Variants in CCZ1 observed in about 807,000 individuals in gnomAD.
CCZ1 encodes the protein CCZ1 vacuolar protein trafficking and biogenesis associated.
Under a neutral mutation model 57.8 loss-of-function variants are expected in CCZ1, and 19 were observed. That is an observed-to-expected ratio of 0.33 (90% CI 0.23 to 0.48). CCZ1 has a LOEUF of 0.48. CCZ1 is among the 20% of genes least tolerant of loss of function. The pLI is 0.99. For missense variants in CCZ1, 200 were observed against 492.0 expected, an observed-to-expected ratio of 0.41 and a Z score of 5.61; for synonymous variants, 81 against 167.0, an observed-to-expected ratio of 0.49 and a Z score of 3.97.
In CCZ1 at chr7:5,900,745, T is replaced by C. The variant is rs1022840346; in HGVS notation, c.313-110T>C. On this transcript the variant is annotated intron_variant, in intron 3 of 14. Coordinates refer to ENST00000325974, the MANE Select transcript of CCZ1 (RefSeq NM_015622.6). The stretch of plus-strand genomic sequence containing the variant: ...GCTTTATTCATTCTTGGGGCTGTTT[T>C]AAGAAGCTATGTTTCTGATGCTGTA... The C allele has an allele frequency of 4.1e-4, 636 of 1,568,286 alleles. 3 individuals are homozygous for C. The highest frequency in any genetic ancestry group is 1.3e-3 in the Admixed American group (61 of 47,050).
rs557462396 is a variant in CCZ1 at position 5,921,260 on chromosome 7, C to T, written c.1106+1294C>T. Among the ~76,000 whole-genome samples, 35 of 127,866 alleles carry T rather than the reference C, an allele frequency of 2.7e-4. 2 individuals are homozygous for T. The highest frequency in any genetic ancestry group is 4.7e-3 in the Middle Eastern group (1 of 214). The allele number at this position is 127,866 out of a possible 152,430, so 83.9% of individuals were successfully genotyped here. ...TTATTTCTGCATGGTCTTGTATAACCGTGGGCCTCTAAGAGCGCAGAAGCG... is the reference window on the plus strand; with the variant it reads ...TTATTTCTGCATGGTCTTGTATAACTGTGGGCCTCTAAGAGCGCAGAAGCG... On this transcript the variant is annotated intron_variant, in intron 12 of 14. Coordinates refer to ENST00000325974, the MANE Select transcript of CCZ1 (RefSeq NM_015622.6).
intron 6 of CCZ1, 88 bp downstream of exon 6, chr7:5,902,832 A>G (rs1427119373): frequency 6.8e-7 from 1 of 1,466,592 alleles, no homozygotes; most frequent in Non-Finnish European, 9.0e-7. Context: ...TTTCTTATAT[A>G]CAAAAAACCC....
intron 7 of CCZ1, among the ~76,000 whole-genome samples, chr7:5,906,323 CTTTTT>C (rs398066572): frequency 7.0e-5 from 9 of 128,034 alleles, no homozygotes; most frequent in East Asian, 2.8e-4. Context: ...TTCTTTCTTT[CTTTTT>C]TTTTTTTTTT....
rs1251829750 is a variant in CCZ1 at position 5,910,698 on chromosome 7, G to A, written c.780+582G>A. On this transcript the variant is annotated intron_variant, in intron 8 of 14. Transcript: ENST00000325974. ...GGATTTTACTTTACTTTTAATTTAT[G>A]TATTTTATTTTATTTATTTATTTAT... Among the ~76,000 whole-genome samples the A allele has an allele frequency of 3.3e-5, 4 of 120,068 alleles. 1 individual carries two copies. The highest frequency in any genetic ancestry group is 6.3e-5 in the African/African-American group (2 of 31,704). The allele number at this position is 120,068 out of a possible 152,430, so 78.8% of individuals were successfully genotyped here.
chr7:5,908,834 G>A (rs2711252), intron 7 of CCZ1, among the ~76,000 whole-genome samples: 67,406 of 132,458 alleles, frequency 0.51, 17,670 homozygotes, highest in East Asian at 0.8. Flanking sequence ...TTCAGATCAG[G>A]TGGTTTGCCT....
At position 5,901,663 on chromosome 7, in the gene CCZ1, G is replaced by A. The variant is rs1781688280; in HGVS notation, c.397G>A (p.Val133Ile). ...EYQEEELLDKVYSSVLRQCYS... is the reference protein window; with the variant it reads ...EYQEEELLDKIYSSVLRQCYS... ...TGTGTTTTCGCGTCTGCAGGACAAG[G>A]TTTATAGCTCGGTGCTGCGGCAGTG... Residue 133 changes from valine to isoleucine, a missense_variant, in exon 5 of 15, where the codon GTT becomes ATT. This residue lies in a region of CCZ1 where 44 missense variants were observed against 122.8 expected (regional missense o/e 0.36). Coordinates refer to ENST00000325974, the MANE Select transcript of CCZ1 (RefSeq NM_015622.6). 6.3e-7 allele frequency: 1 copy of A among 1,597,934 alleles called. No homozygotes were observed. Among genetic ancestry groups the A allele is most frequent in the Admixed American group, 1.7e-5 (1 of 59,284 alleles).
chr7:5,905,456 A>G lies in CCZ1; in HGVS notation c.698+187A>G, dbSNP rs145422844. 6.9e-5 allele frequency among the ~76,000 whole-genome samples: 10 copies of G among 144,776 alleles called. 1 individual carries two copies. Among genetic ancestry groups the G allele is most frequent in the East Asian group, 2.4e-4 (1 of 4,234 alleles). The allele number at this position is 144,776 out of a possible 152,430, so 95.0% of individuals were successfully genotyped here. A position where few individuals can be genotyped will look rare whatever the true frequency, so the allele number is the denominator to read the frequency against. ...GCAGAACTAGGGTGATTTGGGTTCAAATTTCCAAGCAGAGGAGTTTAAAAC... is the reference window on the plus strand; with the variant it reads ...GCAGAACTAGGGTGATTTGGGTTCAGATTTCCAAGCAGAGGAGTTTAAAAC... On this transcript the variant is annotated intron_variant, in intron 7 of 14. Coordinates refer to ENST00000325974, the MANE Select transcript of CCZ1 (RefSeq NM_015622.6).
At chr7:5,912,377 C>T (rs868348095) in intron 9 of CCZ1, among the ~76,000 whole-genome samples, 2,872 of 54,378 alleles carry the variant, frequency 0.053, 66 homozygotes, top group African/African-American at 0.15. Flanking sequence ...TCAGCATACC[C>T]TTTTTTTTTT....
intron 6 of CCZ1, 44 bp downstream of exon 6, chr7:5,902,788 C>CTTACTAA (rs1290220842): frequency 6.3e-7 from 1 of 1,575,162 alleles, no homozygotes; most frequent in Non-Finnish European, 8.5e-7. Flanking sequence ...AAGCATTCAG[C>CTTACTAA]AGGTTTTTAG....
At position 5,911,794 on chromosome 7, in the gene CCZ1, T is replaced by G. The variant is rs1304168704; in HGVS notation, c.781-67T>G. The G allele has an allele frequency of 1.1e-5, 12 of 1,101,050 alleles. No individual in the cohort carries two copies. The Admixed American group carries it at 3.0e-4, about 28-fold the overall frequency. The allele number at this position is 1,101,050 out of a possible 1,614,324, so 68.2% of individuals were successfully genotyped here. A position where few individuals can be genotyped will look rare whatever the true frequency, so the allele number is the denominator to read the frequency against. On this transcript the variant is annotated intron_variant, in intron 8 of 14. Coordinates refer to ENST00000325974, the MANE Select transcript of CCZ1 (RefSeq NM_015622.6). The stretch of plus-strand genomic sequence containing the variant: ...TGGAACCAATTAGTAGATAATGCTG[T>G]TTTTCAAAGCTTGGAAAATAAATAA...
chr7:5,900,712 T>C, intron 3 of CCZ1, 143 bp from the exon 4 acceptor site: 1 of 1,478,430 alleles, frequency 6.8e-7, no homozygotes, highest in South Asian at 1.3e-5. Context: ...ATCAAGTTCT[T>C]CCTATTTGCT....
At position 5,905,902 on chromosome 7, in the gene CCZ1, CTT is replaced by C. The variant is rs148585423; in HGVS notation, c.698+647_698+648del. Among the ~76,000 whole-genome samples, 245 of 93,018 alleles carry C rather than the reference CTT, an allele frequency of 2.6e-3. 5 individuals carry two copies. Among genetic ancestry groups the C allele is most frequent in the Middle Eastern group, 0.021 (3 of 146 alleles). The allele number at this position is 93,018 out of a possible 152,430, so 61.0% of individuals were successfully genotyped here. ...AATGATAAAAGCAGAATTTTTATACCTTTTTTTTTTTTTTTCTTTCTTATAGA... is the reference window on the plus strand; with the variant it reads ...AATGATAAAAGCAGAATTTTTATACCTTTTTTTTTTTTTCTTTCTTATAGA... On this transcript the variant is annotated intron_variant, in intron 7 of 14. Transcript: ENST00000325974.
rs4036238 is a variant in CCZ1 at position 5,912,377 on chromosome 7, C to CTTTTTT, written c.843-438_843-433dup. 5.5e-4 allele frequency among the ~76,000 whole-genome samples: 30 copies of CTTTTTT among 54,700 alleles called. 1 individual carries two copies. The highest frequency in any genetic ancestry group is 6.1e-4 in the Non-Finnish European group (19 of 31,052). 35.9% of individuals were successfully genotyped at this position (54,700 alleles called of 152,430 possible). Reference sequence around the variant, plus strand: ...GAGTTAAAACTTACTTCAGCATACCCTTTTTTTTTTTTTTTTTTTTTTTTT... The same window carrying CTTTTTT: ...GAGTTAAAACTTACTTCAGCATACCCTTTTTTTTTTTTTTTTTTTTTTTTTTTTTTT... On this transcript the variant is annotated intron_variant, in intron 9 of 14. Transcript: ENST00000325974.
chr7:5,901,889 T>G, intron 5 of CCZ1, 185 bp downstream of exon 5: 2 of 540,732 alleles, frequency 3.7e-6, no homozygotes, highest in Non-Finnish European at 6.4e-6. Context: ...CAGTAAGTAT[T>G]GAACTCCCTT....
intron 7 of CCZ1, among the ~76,000 whole-genome samples, chr7:5,906,869 CT>C (rs369672255): frequency 8.1e-5 from 12 of 147,650 alleles, no homozygotes; most frequent in South Asian, 6.5e-4. Flanking sequence ...AACCCATCTA[CT>C]TTTTTTTTTG....
intron 10 of CCZ1, among the ~76,000 whole-genome samples, chr7:5,915,559 G>A (rs546223326): frequency 4.0e-5 from 6 of 151,216 alleles, no homozygotes; most frequent in African/African-American, 7.2e-5. Flanking sequence ...TACAATGCAC[G>A]TACCATACAA....
chr7:5,925,455 A>T, intron 14 of CCZ1, 177 bp from the exon 15 acceptor site: 1 of 594,004 alleles, frequency 1.7e-6, no homozygotes, highest in Non-Finnish European at 2.9e-6. Flanking sequence ...TGACAGAGCA[A>T]GACTCTGTCT....
chr7:5,913,881 A>C (rs1335736860), intron 10 of CCZ1, among the ~76,000 whole-genome samples: 30 of 137,502 alleles, frequency 2.2e-4, no homozygotes, highest in African/African-American at 7.4e-4. Flanking sequence ...AAGAAAGGAA[A>C]CAGTCTGAAG....
In CCZ1 at chr7:5,926,183, GGGTCTCACTATGTTGCCCAGGCT is replaced by G; in HGVS notation, c.*503_*525del. 2 of 479,762 alleles carry G rather than the reference GGGTCTCACTATGTTGCCCAGGCT, an allele frequency of 4.2e-6. No individual in the cohort carries two copies. The highest frequency in any genetic ancestry group is 7.7e-6 in the Non-Finnish European group (2 of 260,500). 29.7% of individuals were successfully genotyped at this position (479,762 alleles called of 1,614,324 possible). ...ATGTTTTAATTTTGCAGAGATGGGG[GGGTCTCACTATGTTGCCCAGGCT>G]GGTCTCGAACTCCCGTAATCCAGCC... On this transcript the variant is annotated 3_prime_UTR_variant, in exon 15 of 15. Transcript: ENST00000325974.
Sources: allele counts gnomAD v4.1 joint callset (sites outside exome capture counted in the v4.1 genomes callset), GRCh38; gene constraint gnomAD v4.1.1; regional missense constraint gnomAD v4.1.1; transcripts MANE v1.5; gene names NCBI Gene and HGNC (gene_info 2026-07-23, HGNC 2026-07-21).